ZNF653: variants seen among roughly 807,000 people sequenced by gnomAD.
The protein encoded by ZNF653 is zinc finger protein 653.
ZNF653 carries 37 observed loss-of-function variants against 59.9 expected under a neutral mutation model. The observed-to-expected ratio is 0.62, with a 90% confidence interval of 0.48 to 0.81. The LOEUF (loss-of-function observed/expected upper bound fraction) is 0.81. Ranked by LOEUF, ZNF653 falls within the 40% of genes least tolerant of loss-of-function variation. The pLI, the probability that ZNF653 is intolerant of heterozygous loss-of-function variation, is 0.00. For synonymous variants in ZNF653, 435 were observed against 371.8 expected, an observed-to-expected ratio of 1.17 and a Z score of -1.96; for missense variants, 808 against 881.1, an observed-to-expected ratio of 0.92 and a Z score of 1.05.
intron 2 of ZNF653, among the ~76,000 whole-genome samples, chr19:11,496,822 G>A (rs1157440763): frequency 2.0e-5 from 3 of 152,146 alleles, no homozygotes; most frequent in East Asian, 1.9e-4. Flanking sequence ...AGCCAAGGTC[G>A]CAACACTGCA....
At position 11,485,649 on chromosome 19, in the gene ZNF653, G is replaced by A. The variant is rs1260035529; in HGVS notation, c.1570+7C>T. On this transcript the variant is annotated splice_region_variant and intron_variant, in intron 7 of 8. Transcript: ENST00000293771. ...CGCTCATGCTGCCAGCTGGCCCAGG[G>A]CCTGACCTGAATGGATGATCATGTG... The A allele has an allele frequency of 2.5e-6, 4 of 1,611,484 alleles. No individual in the cohort carries two copies. The South Asian group carries it at 4.4e-5, about 18-fold the overall frequency.
intron 1 of ZNF653, chr19:11,504,699 C>A (rs660887): frequency 7.8e-5 from 27 of 345,320 alleles, no homozygotes; most frequent in Non-Finnish European, 1.1e-4. Context: ...GCTTGTGATA[C>A]GGAATAAACG....
chr19:11,483,616 C>G lies in ZNF653; in HGVS notation c.*66G>C. ...CGGGCGGCCCTCGCAGCTGTCCAGGCCCCGGCAAGCCCGGGCGTGGTGTCC... is the reference window on the plus strand; with the variant it reads ...CGGGCGGCCCTCGCAGCTGTCCAGGGCCCGGCAAGCCCGGGCGTGGTGTCC... On this transcript the variant is annotated 3_prime_UTR_variant, in exon 9 of 9. Coordinates refer to ENST00000293771, the MANE Select transcript of ZNF653 (RefSeq NM_138783.4). 1 of 1,562,594 alleles carries G rather than the reference C, an allele frequency of 6.4e-7. No individual in the cohort carries two copies. Among genetic ancestry groups the G allele is most frequent in the Non-Finnish European group, 8.7e-7 (1 of 1,148,184 alleles).
chr19:11,493,634 G>A (rs954839983), intron 3 of ZNF653, among the ~76,000 whole-genome samples: 2 of 152,152 alleles, frequency 1.3e-5, no homozygotes, highest in African/African-American at 2.4e-5. Context: ...TGGAGGGAAG[G>A]GCCAGAGCAC....
chr19:11,484,145 G>C lies in ZNF653; in HGVS notation c.1571-4C>G. The C allele has an allele frequency of 1.9e-6, 3 of 1,551,140 alleles. No individual in the cohort carries two copies. The highest frequency in any genetic ancestry group is 2.6e-6 in the Non-Finnish European group (3 of 1,146,800). On this transcript the variant is annotated splice_region_variant and splice_polypyrimidine_tract_variant and intron_variant, in intron 7 of 8. Transcript: ENST00000293771. ...TCGCAGGTGAATTCACGGACACCTGGGGGCGGTGGGGACCGAGGCTGAGGA... is the reference window on the plus strand; with the variant it reads ...TCGCAGGTGAATTCACGGACACCTGCGGGCGGTGGGGACCGAGGCTGAGGA...
intron 8 of ZNF653, 61 bp downstream of exon 8, chr19:11,483,981 G>A: frequency 1.3e-6 from 2 of 1,535,640 alleles, no homozygotes; most frequent in South Asian, 1.2e-5. Flanking sequence ...GCCGCCCCTG[G>A]GACCTGCTGG....
chr19:11,495,101 C>T lies in ZNF653; in HGVS notation c.559+849G>A, dbSNP rs77545672. Among the ~76,000 whole-genome samples, 743 of 152,322 alleles carry T rather than the reference C, an allele frequency of 4.9e-3. 6 individuals carry two copies. The highest frequency in any genetic ancestry group is 0.017 in the African/African-American group (702 of 41,576). On this transcript the variant is annotated intron_variant, in intron 3 of 8. Coordinates refer to ENST00000293771, the MANE Select transcript of ZNF653 (RefSeq NM_138783.4). This position sits in a 1 kb window ranked among gnomAD's most constrained non-coding sequence, Gnocchi z 4.9. Reference sequence around the variant, plus strand: ...CCACCTGCTCCGAGATGCCAGCCAGCGCAGGCTCAGCCCTGGTGACCGCCC... The same window carrying T: ...CCACCTGCTCCGAGATGCCAGCCAGTGCAGGCTCAGCCCTGGTGACCGCCC...
chr19:11,491,647 G>A (rs1426334498), intron 3 of ZNF653, among the ~76,000 whole-genome samples: 2 of 151,866 alleles, frequency 1.3e-5, no homozygotes, highest in African/African-American at 4.8e-5. Context: ...GAGTGCAGTG[G>A]CACGATCTTG....
Position 11,505,818 on chromosome 19 carries a change from T to G in ZNF653, c.-32A>C. 1 of 1,293,908 alleles carries G rather than the reference T, an allele frequency of 7.7e-7. No individual in the cohort carries two copies. Among genetic ancestry groups the G allele is most frequent in the South Asian group, 1.7e-5 (1 of 57,776 alleles). 80.2% of individuals were successfully genotyped at this position (1,293,908 alleles called of 1,614,324 possible). On this transcript the variant is annotated 5_prime_UTR_variant, in exon 1 of 9. Transcript: ENST00000293771. ...CACCCTGGTTACCAGCCTCCCCCGT[T>G]GTTAGGAGCCAGACCGGAAGTGGCG... is the stretch of plus-strand genomic sequence containing the variant.
intron 2 of ZNF653, among the ~76,000 whole-genome samples, chr19:11,497,368 T>G (rs935069039): frequency 3.3e-5 from 5 of 152,198 alleles, no homozygotes; most frequent in Non-Finnish European, 7.3e-5. Context: ...CGGGCGGGCA[T>G]GGTGGAGCCG....
chr19:11,490,808 G>A (rs1031994318), intron 3 of ZNF653, among the ~76,000 whole-genome samples: 2 of 152,156 alleles, frequency 1.3e-5, no homozygotes, highest in African/African-American at 4.8e-5. Context: ...CCCTAAGAGT[G>A]TCTCACAGGC....
chr19:11,505,181 C>T, intron 1 of ZNF653: 2 of 328,254 alleles, frequency 6.1e-6, no homozygotes, highest in East Asian at 5.6e-5. Flanking sequence ...TGGTTAGTTA[C>T]AAGGCCTGGA....
At position 11,505,581 on chromosome 19, in the gene ZNF653, C is replaced by A; in HGVS notation, c.206G>T (p.Trp69Leu). 1 of 1,513,892 alleles carries A rather than the reference C, an allele frequency of 6.6e-7. No homozygotes were observed. Among genetic ancestry groups the A allele is most frequent in the Non-Finnish European group, 8.8e-7 (1 of 1,139,760 alleles). The allele number at this position is 1,513,892 out of a possible 1,614,324, so 93.8% of individuals were successfully genotyped here. Residue 69 changes from tryptophan to leucine, a missense_variant, in exon 1 of 9, where the codon TGG becomes TTG. Coordinates refer to ENST00000293771, the MANE Select transcript of ZNF653 (RefSeq NM_138783.4). ...RVYLGEAHGP[W>L]VDLRRRSGWS... ...GCCGCTGCGGCGCCGCAGGTCCACCCAGGGCCCGTGCGCCTCGCCCAGGTA... is the reference window on the plus strand; with the variant it reads ...GCCGCTGCGGCGCCGCAGGTCCACCAAGGGCCCGTGCGCCTCGCCCAGGTA...
At chr19:11,501,407 G>A (rs1971643197) in intron 1 of ZNF653, among the ~76,000 whole-genome samples, 1 of 151,924 alleles carries the variant, frequency 6.6e-6, no homozygotes, top group Non-Finnish European at 1.5e-5. Flanking sequence ...TCAAACTCCT[G>A]GGCTCAAGAG....
At chr19:11,502,573 G>A (rs554349706) in intron 1 of ZNF653, among the ~76,000 whole-genome samples, 2 of 152,292 alleles carry the variant, frequency 1.3e-5, no homozygotes, top group East Asian at 3.9e-4. Context: ...TGTGTGACTT[G>A]TAGTCCCAGC....
At chr19:11,490,080 G>GTT (rs1456447291) in intron 3 of ZNF653, among the ~76,000 whole-genome samples, 2 of 152,238 alleles carry the variant, frequency 1.3e-5, no homozygotes, top group African/African-American at 2.4e-5. Flanking sequence ...TCAGCTGCAA[G>GTT]TCCTGGGCTA....
intron 1 of ZNF653, among the ~76,000 whole-genome samples, chr19:11,500,227 C>T (rs1419477753): frequency 6.6e-6 from 1 of 152,150 alleles, no homozygotes; most frequent in African/African-American, 2.4e-5. Context: ...CTTTCCTGCC[C>T]CAGGCTCTGC....
intron 3 of ZNF653, among the ~76,000 whole-genome samples, chr19:11,489,178 T>G (rs1326532644): frequency 6.7e-6 from 1 of 150,162 alleles, no homozygotes; most frequent in African/African-American, 2.5e-5. Flanking sequence ...AGAATTATAG[T>G]CATGAGCCAC....
chr19:11,484,101 G>T lies in ZNF653; in HGVS notation c.1611C>A (p.Phe537Leu), dbSNP rs1380607722. 6.4e-7 allele frequency: 1 copy of T among 1,558,142 alleles called. No individual in the cohort carries two copies. The highest frequency in any genetic ancestry group is 8.7e-7 in the Non-Finnish European group (1 of 1,150,820). ...GTACCTCCAGGTGGTTCTTCCTCTT[G>T]AAGGACTTGCCGCAGGTCTCGCAGG... ...EFTCETCGKS[F>L]KRKNHLEVHR... The change falls in exon 8 of 9, where the codon TTC becomes TTA. Residue 537 changes from phenylalanine to leucine, a missense_variant. Physicochemically the swap from Phe to Leu is conservative, Grantham distance 22. Coordinates refer to ENST00000293771, the MANE Select transcript of ZNF653 (RefSeq NM_138783.4).
Sources: gnomAD v4.1 joint callset for allele counts (sites outside exome capture counted in the v4.1 genomes callset) on GRCh38, gnomAD v4.1.1 for gene constraint, Gnocchi (gnomAD v3.1) non-coding constraint, MANE v1.5 for transcripts, NCBI Gene and HGNC (gene_info 2026-07-23, HGNC 2026-07-21) for gene names.